Variants in SCAPER observed in about 807,000 individuals in gnomAD.
The protein encoded by SCAPER is S phase cyclin A-associated protein in the endoplasmic reticulum.
SCAPER carries 98 observed loss-of-function variants against 182.2 expected under a neutral mutation model. The observed-to-expected ratio is 0.54, with a 90% CI of 0.46 to 0.64. SCAPER has a LOEUF of 0.64. SCAPER is among the 30% of genes least tolerant of loss of function. The probability of loss-of-function intolerance (pLI) is 0.00; values close to 1 mark genes in which losing one functional copy is unlikely to be tolerated. For synonymous variants in SCAPER, 605 were observed against 564.6 expected, an observed-to-expected ratio of 1.07 and a Z score of -1.01; for missense variants, 1,432 against 1,690.0, an observed-to-expected ratio of 0.85 and a Z score of 2.68.
intron 24 of SCAPER, among the ~76,000 whole-genome samples, chr15:76,480,796 T>C (rs1291220845): frequency 6.6e-6 from 1 of 152,130 alleles, no homozygotes; most frequent in Non-Finnish European, 1.5e-5. Flanking sequence ...AGTGGTGCGA[T>C]CTCGGCTCAC....
chr15:76,648,462 T>C (rs1333734206), intron 21 of SCAPER, among the ~76,000 whole-genome samples: 2 of 152,122 alleles, frequency 1.3e-5, no homozygotes, highest in Non-Finnish European at 1.5e-5. Context: ...AGAAAAAACT[T>C]TTTCAAGAAA....
At chr15:76,429,200 AAATT>A (rs2046687127) in intron 26 of SCAPER, among the ~76,000 whole-genome samples, 1 of 151,980 alleles carries the variant, frequency 6.6e-6, no homozygotes, top group Admixed American at 6.6e-5. Context: ...AGCCATCTGG[AAATT>A]TAAGTCCATT....
At chr15:76,377,626 C>G (rs1368724185) in intron 28 of SCAPER, among the ~76,000 whole-genome samples, 4 of 152,180 alleles carry the variant, frequency 2.6e-5, no homozygotes, top group Non-Finnish European at 5.9e-5. Context: ...TACAATATCC[C>G]CAGTCTCAAG....
rs555411215 is a variant in SCAPER, at chr15:76,836,372, A to G, written c.393+5362T>C. 2.0e-5 allele frequency among the ~76,000 whole-genome samples: 3 copies of G among 152,322 alleles called. No homozygotes were observed. In the South Asian group the frequency reaches 6.2e-4, roughly 32 times the overall value. ...AGCATGGTACAAAAATCAGATACAT[A>G]TAACAATGAAACTAGTTAGGGAACC... On this transcript the variant is annotated intron_variant, in intron 5 of 31. Coordinates refer to ENST00000563290, the MANE Select transcript of SCAPER (RefSeq NM_020843.4).
chr15:76,684,620 C>T (rs1319498805), intron 20 of SCAPER, among the ~76,000 whole-genome samples: 1 of 151,704 alleles, frequency 6.6e-6, no homozygotes. Flanking sequence ...GAGGTAGAGA[C>T]TTAAAAGATA....
rs16968520 is a variant in SCAPER, at chr15:76,829,738, C to T, written c.393+11996G>A. Among the ~76,000 whole-genome samples the T allele has an allele frequency of 5.3e-3, 814 of 152,224 alleles. 12 individuals carry two copies. The highest frequency in any genetic ancestry group is 0.018 in the African/African-American group (753 of 41,556). On this transcript the variant is annotated intron_variant, in intron 5 of 31. Transcript: ENST00000563290. ...AGAATCACACAACTATGAAGACTAA[C>T]GTCAGTGCAACTGTGTATGAAGTCT...
intron 5 of SCAPER, among the ~76,000 whole-genome samples, chr15:76,831,190 G>A (rs1022561964): frequency 1.3e-5 from 2 of 152,166 alleles, no homozygotes; most frequent in African/African-American, 2.4e-5. Context: ...CCTATAGGTA[G>A]GGGTTTGGCC....
At chr15:76,741,681 G>A (rs1194099858) in intron 15 of SCAPER, among the ~76,000 whole-genome samples, 1 of 152,062 alleles carries the variant, frequency 6.6e-6, no homozygotes, top group Non-Finnish European at 1.5e-5. Context: ...TACACAAAAA[G>A]TTGTCAAGAA....
chr15:76,711,132 T>A (rs150160275), intron 17 of SCAPER, among the ~76,000 whole-genome samples: 7 of 152,328 alleles, frequency 4.6e-5, no homozygotes, highest in Non-Finnish European at 1.0e-4. Flanking sequence ...TTGTGGTTTC[T>A]TTTTGTGTTA....
chr15:76,723,273 A>T (rs2060372186), intron 17 of SCAPER, among the ~76,000 whole-genome samples: 1 of 152,010 alleles, frequency 6.6e-6, no homozygotes, highest in African/African-American at 2.4e-5. Flanking sequence ...TTCTAGTTTG[A>T]TTGCACTGTG....
chr15:76,702,260 T>G (rs1348649470), intron 19 of SCAPER, among the ~76,000 whole-genome samples: 1 of 151,630 alleles, frequency 6.6e-6, no homozygotes, highest in Non-Finnish European at 1.5e-5. Flanking sequence ...GTGAAAATGT[T>G]GCTTTTTTTT....
At chr15:76,421,629 G>T (rs1212613980) in intron 26 of SCAPER, among the ~76,000 whole-genome samples, 1 of 152,208 alleles carries the variant, frequency 6.6e-6, no homozygotes. Flanking sequence ...AGTTTAATTA[G>T]ATCCCATTTG....
Position 76,492,928 on chromosome 15 carries a change from G to A in SCAPER, c.2954+11931C>T, listed in dbSNP as rs569823850. On this transcript the variant is annotated intron_variant, in intron 24 of 31. Coordinates refer to ENST00000563290, the MANE Select transcript of SCAPER (RefSeq NM_020843.4). ...GGATATTTGGATCAGAGTATGAGTT[G>A]TGGATGAAGAGGGAAAATTTCTCCT... Among the ~76,000 whole-genome samples the A allele has an allele frequency of 1.6e-4, 23 of 142,226 alleles. 1 individual carries two copies. The highest frequency in any genetic ancestry group is 1.6e-4 in the African/African-American group (6 of 37,702). 93.3% of individuals were successfully genotyped at this position (142,226 alleles called of 152,430 possible). A position where few individuals can be genotyped will look rare whatever the true frequency, so the allele number is the denominator to read the frequency against.
At chr15:76,561,867 G>A (rs2046658406) in intron 23 of SCAPER, among the ~76,000 whole-genome samples, 1 of 150,440 alleles carries the variant, frequency 6.6e-6, no homozygotes, top group Non-Finnish European at 1.5e-5. Flanking sequence ...GCAGAGGCCA[G>A]GTGCGGGGTG....
At position 76,602,065 on chromosome 15, in the gene SCAPER, C is replaced by A. The variant is rs1430664077; in HGVS notation, c.2711+19699G>T. ...ATCATTGGGCTTGGGTAGTTCAAAC[C>A]CATGCTGTCTAAGGGTCAACTGTAC... On this transcript the variant is annotated intron_variant, in intron 22 of 31. Transcript: ENST00000563290. Among the ~76,000 whole-genome samples the A allele has an allele frequency of 1.6e-5, 2 of 121,302 alleles. 1 individual carries two copies. Among genetic ancestry groups the A allele is most frequent in the Non-Finnish European group, 4.0e-5 (2 of 49,950 alleles). The allele number at this position is 121,302 out of a possible 152,430, so 79.6% of individuals were successfully genotyped here.
chr15:76,890,989 TC>T (rs1233396052), intron 1 of SCAPER, among the ~76,000 whole-genome samples: 1 of 152,210 alleles, frequency 6.6e-6, no homozygotes, highest in African/African-American at 2.4e-5. Context: ...GTCGGCTTCA[TC>T]CCTGGGATGC....
At chr15:76,672,069 C>T (rs777552245) in intron 20 of SCAPER, among the ~76,000 whole-genome samples, 8 of 152,186 alleles carry the variant, frequency 5.3e-5, no homozygotes, top group South Asian at 2.1e-4. Context: ...ACCAGGGATC[C>T]CTTCCAGGAG....
At position 76,388,567 on chromosome 15, in the gene SCAPER, G is replaced by A. The variant is rs540002720; in HGVS notation, c.3468-6952C>T. On this transcript the variant is annotated intron_variant, in intron 27 of 31. Transcript: ENST00000563290. ...GTGGAAGGTCACATCCACTGTAGTA[G>A]CAGAGGGCATTTAAGACTCAGCTGG... Among the ~76,000 whole-genome samples, 4 of 152,300 alleles carry A rather than the reference G, an allele frequency of 2.6e-5. No homozygotes were observed. The South Asian group carries it at 8.3e-4, about 32-fold the overall frequency.
At chr15:76,851,453 A>G (rs2070748142) in intron 4 of SCAPER, among the ~76,000 whole-genome samples, 1 of 152,170 alleles carries the variant, frequency 6.6e-6, no homozygotes, top group Non-Finnish European at 1.5e-5. Flanking sequence ...GAGAAAGGGC[A>G]GGTCACCTAC....
Sources: gnomAD v4.1 joint callset for allele counts (sites outside exome capture counted in the v4.1 genomes callset) on GRCh38, gnomAD v4.1.1 for gene constraint, MANE v1.5 for transcripts, NCBI Gene and HGNC (gene_info 2026-07-23, HGNC 2026-07-21) for gene names.